Variants in ADAD1 observed in about 807,000 individuals in gnomAD.
The protein encoded by ADAD1 is adenosine deaminase domain-containing protein 1.
A neutral mutation model predicts 66.8 loss-of-function variants in ADAD1; 46 were observed. The observed-to-expected ratio is 0.69, with a 90% confidence interval of 0.54 to 0.88. The LOEUF (loss-of-function observed/expected upper bound fraction) is 0.88, where lower values mean the gene tolerates loss of function less well. ADAD1 is among the 40% of genes least tolerant of loss of function. The probability of loss-of-function intolerance (pLI) is 0.00; values close to 1 mark genes in which losing one functional copy is unlikely to be tolerated. For missense variants in ADAD1, 617 were observed against 681.8 expected (o/e 0.91, Z 1.06); for synonymous variants, 248 against 229.4 (o/e 1.08, Z -0.73).
intron 7 of ADAD1, among the ~76,000 whole-genome samples, chr4:122,399,763 G>C (rs1475106738): frequency 8.3e-6 from 1 of 120,252 alleles, no homozygotes; most frequent in African/African-American, 3.2e-5. Context: ...TTTTTTAGCT[G>C]TTGTAAAGGG....
At chr4:122,387,768 GT>G (rs1164344936) in intron 5 of ADAD1, among the ~76,000 whole-genome samples, 1 of 139,086 alleles carries the variant, frequency 7.2e-6, no homozygotes. Context: ...TTTGTTTTTT[GT>G]TTTTTTTTGA....
rs190572918 is a variant in ADAD1 at position 122,382,414 on chromosome 4, C to G, written c.361+1234C>G. 4.7e-4 allele frequency among the ~76,000 whole-genome samples: 72 copies of G among 152,226 alleles called. No individual in the cohort carries two copies. In the East Asian group the frequency reaches 0.011, roughly 24 times the overall value. ...TAAACAGGCTGAAGCTTAAAGGCTC[C>G]GCATTCTGACACAGAAGACTTACTA... On this transcript the variant is annotated intron_variant, in intron 4 of 12. Transcript: ENST00000296513.
chr4:122,383,766 T>C, intron 4 of ADAD1, 33 bp from the exon 5 acceptor site: 1 of 1,552,528 alleles, frequency 6.4e-7, no homozygotes. Flanking sequence ...TAATAAAAAT[T>C]ATTGTAGCAT....
At chr4:122,427,060 G>A (rs531393032) in intron 12 of ADAD1, among the ~76,000 whole-genome samples, 1 of 152,274 alleles carries the variant, frequency 6.6e-6, no homozygotes, top group African/African-American at 2.4e-5. Context: ...TTCCTAAATT[G>A]TATCATCTTG....
At chr4:122,407,163 G>T (rs1796252051) in intron 7 of ADAD1, among the ~76,000 whole-genome samples, 1 of 152,070 alleles carries the variant, frequency 6.6e-6, no homozygotes. Flanking sequence ...ATGTAGAACT[G>T]AACTTTGTTT....
intron 5 of ADAD1, among the ~76,000 whole-genome samples, chr4:122,386,926 T>G (rs1303542778): frequency 6.6e-6 from 1 of 152,202 alleles, no homozygotes; most frequent in Non-Finnish European, 1.5e-5. Flanking sequence ...CCATGCTGTT[T>G]TGGTTACTGT....
chr4:122,395,129 C>A (rs547767005), intron 6 of ADAD1, among the ~76,000 whole-genome samples: 1 of 152,158 alleles, frequency 6.6e-6, no homozygotes, highest in African/African-American at 2.4e-5. Context: ...CAGCTCACTG[C>A]AACCTCTGCC....
chr4:122,425,283 A>G (rs1241818167), intron 12 of ADAD1, among the ~76,000 whole-genome samples: 2 of 152,096 alleles, frequency 1.3e-5, no homozygotes, highest in African/African-American at 2.4e-5. Flanking sequence ...TCTTCAGCAT[A>G]GGTCATAAAA....
intron 11 of ADAD1, among the ~76,000 whole-genome samples, chr4:122,419,771 A>G (rs1207505225): frequency 6.6e-6 from 1 of 152,224 alleles, no homozygotes; most frequent in Non-Finnish European, 1.5e-5. Context: ...TAATTAATCT[A>G]GGGAAAATAT....
intron 4 of ADAD1, among the ~76,000 whole-genome samples, chr4:122,383,190 T>A (rs1006102790): frequency 1.1e-4 from 16 of 152,144 alleles, no homozygotes; most frequent in Non-Finnish European, 2.4e-4. Context: ...TTCTTTAGTT[T>A]ATCATTATGT....
At chr4:122,419,171 A>G (rs930543028) in intron 11 of ADAD1, among the ~76,000 whole-genome samples, 2 of 152,232 alleles carry the variant, frequency 1.3e-5, no homozygotes, top group Admixed American at 1.3e-4. Context: ...AATGTGGTAC[A>G]TATACATCAT....
intron 5 of ADAD1, among the ~76,000 whole-genome samples, chr4:122,392,528 T>A (rs1254688791): frequency 1.3e-5 from 2 of 152,212 alleles, no homozygotes; most frequent in Admixed American, 6.5e-5. Context: ...CCATAAATAT[T>A]GGAACAATAG....
At chr4:122,420,155 G>A (rs966611923) in intron 11 of ADAD1, among the ~76,000 whole-genome samples, 5 of 152,190 alleles carry the variant, frequency 3.3e-5, no homozygotes, top group Non-Finnish European at 5.9e-5. Context: ...AAAGTGTCAT[G>A]GTGGAAAATT....
intron 12 of ADAD1, among the ~76,000 whole-genome samples, chr4:122,424,385 AAAC>A (rs1279887358): frequency 6.6e-6 from 1 of 152,052 alleles, no homozygotes; most frequent in Non-Finnish European, 1.5e-5. Context: ...AAGTTGTTTA[AAAC>A]AACACTGTGT....
rs535014984 is a variant in ADAD1 at position 122,402,444 on chromosome 4, A to G, written c.725-5464A>G. ...TCTTAAGATTCTTTCCTTCATCTTG[A>G]CTTTAGATAGCCTGATGACTTTGTG... On this transcript the variant is annotated intron_variant, in intron 7 of 12. Transcript: ENST00000296513. 3.3e-5 allele frequency among the ~76,000 whole-genome samples: 5 copies of G among 152,124 alleles called. No individual in the cohort carries two copies. The South Asian group carries it at 1.0e-3, about 32-fold the overall frequency.
intron 5 of ADAD1, among the ~76,000 whole-genome samples, chr4:122,392,827 A>G (rs539886132): frequency 3.5e-4 from 54 of 152,308 alleles, no homozygotes; most frequent in Non-Finnish European, 6.9e-4. Flanking sequence ...TCCAGCGTCT[A>G]TGTATCTAAA....
chr4:122,402,693 A>G (rs1299752504), intron 7 of ADAD1, among the ~76,000 whole-genome samples: 2 of 151,718 alleles, frequency 1.3e-5, no homozygotes, highest in Non-Finnish European at 2.9e-5. Flanking sequence ...TCATTTTTTT[A>G]TATTCTGTTT....
At chr4:122,385,067 A>G (rs1228039414) in intron 5 of ADAD1, among the ~76,000 whole-genome samples, 1 of 152,162 alleles carries the variant, frequency 6.6e-6, no homozygotes, top group Non-Finnish European at 1.5e-5. Flanking sequence ...CTGAGTTTAA[A>G]TATCTATTTG....
chr4:122,384,502 T>C (rs1795066699), intron 5 of ADAD1, among the ~76,000 whole-genome samples: 2 of 152,240 alleles, frequency 1.3e-5, no homozygotes, highest in South Asian at 2.1e-4. Flanking sequence ...GTGATAGTTA[T>C]ACCTTCTGTG....
Sources: allele counts gnomAD v4.1 joint callset (sites outside exome capture counted in the v4.1 genomes callset), GRCh38; gene constraint gnomAD v4.1.1; transcripts MANE v1.5; gene names NCBI Gene and HGNC (gene_info 2026-07-23, HGNC 2026-07-21).